Variants in F2RL1 observed in about 807,000 individuals in gnomAD.
The protein encoded by F2RL1 is proteinase-activated receptor 2.
In F2RL1, 16 loss-of-function variants were observed where a neutral mutation model predicts 21.7. That is an observed-to-expected ratio of 0.74 (90% CI 0.50 to 1.12). The LOEUF (loss-of-function observed/expected upper bound fraction) is 1.12, where lower values mean the gene tolerates loss of function less well. F2RL1 is among the 50% of genes most tolerant of loss of function. The pLI, the probability that F2RL1 is intolerant of heterozygous loss-of-function variation, is 0.00. For missense variants in F2RL1, 432 were observed against 477.8 expected (o/e 0.90, Z 0.89); for synonymous variants, 181 against 186.7 (o/e 0.97, Z 0.25).
rs1361210120 is a variant in F2RL1 at position 76,835,228 on chromosome 5, T to G, written c.*1427T>G. On this transcript the variant is annotated 3_prime_UTR_variant, in exon 2 of 2. Coordinates refer to ENST00000296677, the MANE Select transcript of F2RL1 (RefSeq NM_005242.6). ...AGAGATACTTGATGCCAAAATGACT[T>G]TATACAACGATTGTATTTGTGACTT... 3.3e-5 allele frequency: 5 copies of G among 152,350 alleles called. No homozygotes were observed. The highest frequency in any genetic ancestry group is 1.2e-4 in the African/African-American group (5 of 41,462). 9.4% of individuals were successfully genotyped at this position (152,350 alleles called of 1,614,324 possible).
At chr5:76,824,569 C>T (rs1472893514) in intron 1 of F2RL1, among the ~76,000 whole-genome samples, 1 of 151,948 alleles carries the variant, frequency 6.6e-6, no homozygotes, top group South Asian at 2.1e-4. Flanking sequence ...TCTCATGATC[C>T]GCCCGCCTTA....
chr5:76,826,341 T>A (rs1750238209), intron 1 of F2RL1, among the ~76,000 whole-genome samples: 1 of 152,220 alleles, frequency 6.6e-6, no homozygotes, highest in South Asian at 2.1e-4. Flanking sequence ...ACAGTTTAGC[T>A]GTCATTCACC....
chr5:76,824,321 C>T (rs1192744089), intron 1 of F2RL1, among the ~76,000 whole-genome samples: 4 of 151,638 alleles, frequency 2.6e-5, no homozygotes, highest in Admixed American at 2.0e-4. Flanking sequence ...GCCTGAACTA[C>T]TCCCCTCTTC....
intron 1 of F2RL1, among the ~76,000 whole-genome samples, chr5:76,823,146 C>T (rs1395806920): frequency 6.6e-6 from 1 of 151,218 alleles, no homozygotes; most frequent in Non-Finnish European, 1.5e-5. Context: ...AGGAGAATGG[C>T]GTGAACCCGG....
rs762911618 is a variant in F2RL1 at position 76,833,026 on chromosome 5, AC to A, written c.420del (p.Trp141GlyfsTer26). On this transcript the variant is annotated frameshift_variant, in exon 2 of 2. Transcript: ENST00000296677. LOFTEE classifies it high-confidence loss of function. ...ATTGCCTATCACATACATGGCAACA[AC>A]TGGATTTATGGGGAAGCTCTTTGTA... ...LKIAYHIHGN[N>X]WIYGEALCNV... 9.3e-6 allele frequency: 15 copies of A among 1,614,166 alleles called. No individual in the cohort carries two copies. The highest frequency in any genetic ancestry group is 1.2e-5 in the Non-Finnish European group (14 of 1,179,978).
At chr5:76,824,831 ATAT>A (rs1750209338) in intron 1 of F2RL1, among the ~76,000 whole-genome samples, 2 of 152,150 alleles carry the variant, frequency 1.3e-5, no homozygotes, top group East Asian at 1.9e-4. Context: ...CCCACCAAAA[ATAT>A]TATATCAATT....
chr5:76,833,287 A>G lies in F2RL1; in HGVS notation c.680A>G (p.His227Arg). 1.9e-6 allele frequency: 3 copies of G among 1,613,452 alleles called. No individual in the cohort carries two copies. Among genetic ancestry groups the G allele is most frequent in the African/African-American group, 2.7e-5 (2 of 74,806 alleles). The change falls in exon 2 of 2, where the codon CAT becomes CGT. Residue 227 changes from histidine to arginine, a missense_variant. His to Arg is a conservative substitution (Grantham distance 29, BLOSUM62 0). Coordinates refer to ENST00000296677, the MANE Select transcript of F2RL1 (RefSeq NM_005242.6). ...CCTGCCCTGAACATCACGACCTGTC[A>G]TGATGTTTTGCCTGAGCAGCTCTTG... ...FIPALNITTC[H>R]DVLPEQLLVG... is the part of the protein sequence containing the mutation.
chr5:76,819,359 C>T, intron 1 of F2RL1, 95 bp downstream of exon 1: 1 of 1,037,836 alleles, frequency 9.6e-7, no homozygotes, highest in African/African-American at 1.6e-5. Context: ...TGTGCGAAGG[C>T]TGTTCTGCTG....
rs1183897529 is a variant in F2RL1, at chr5:76,833,252, C to T, written c.645C>T (p.Thr215=). ...VTIPLYVVKQ[T]IFIPALNITT... ...TTCCTTTGTATGTCGTGAAGCAGAC[C>T]ATCTTCATTCCTGCCCTGAACATCA... Residue 215 remains threonine, a synonymous_variant, in exon 2 of 2, where the codon ACC becomes ACT. Transcript: ENST00000296677. The T allele has an allele frequency of 1.2e-6, 2 of 1,613,702 alleles. No individual in the cohort carries two copies. The highest frequency in any genetic ancestry group is 2.2e-5 in the South Asian group (2 of 91,030).
At chr5:76,819,817 T>A (rs1441852015) in intron 1 of F2RL1, among the ~76,000 whole-genome samples, 1 of 152,090 alleles carries the variant, frequency 6.6e-6, no homozygotes, top group Non-Finnish European at 1.5e-5. Flanking sequence ...CTCCAACTGC[T>A]GGAAGCCTTT....
chr5:76,828,515 G>T (rs1228964356), intron 1 of F2RL1, among the ~76,000 whole-genome samples: 1 of 148,532 alleles, frequency 6.7e-6, no homozygotes, highest in Admixed American at 6.7e-5. Flanking sequence ...ATAGAGACAG[G>T]GGCCTCACTC....
chr5:76,828,509 A>G (rs1216455265), intron 1 of F2RL1, among the ~76,000 whole-genome samples: 3 of 144,614 alleles, frequency 2.1e-5, no homozygotes, highest in Non-Finnish European at 3.0e-5. Context: ...TTTAATATAG[A>G]GACAGGGGCC....
At chr5:76,831,963 C>T (rs1003854056) in intron 1 of F2RL1, among the ~76,000 whole-genome samples, 2 of 150,798 alleles carry the variant, frequency 1.3e-5, no homozygotes, top group Non-Finnish European at 3.0e-5. Context: ...CACTTGAAGC[C>T]AGGAGTTCGA....
At chr5:76,828,852 A>G (rs1021540263) in intron 1 of F2RL1, among the ~76,000 whole-genome samples, 1 of 152,108 alleles carries the variant, frequency 6.6e-6, no homozygotes, top group African/African-American at 2.4e-5. Context: ...GCAGTGGCTC[A>G]TGCCTGTAAT....
chr5:76,830,536 A>G (rs1188999427), intron 1 of F2RL1, among the ~76,000 whole-genome samples: 1 of 152,154 alleles, frequency 6.6e-6, no homozygotes, highest in African/African-American at 2.4e-5. Context: ...TCAGCCTCCC[A>G]AAGTGCTGGG....
At chr5:76,821,315 AG>A (rs1226238122) in intron 1 of F2RL1, among the ~76,000 whole-genome samples, 1 of 152,174 alleles carries the variant, frequency 6.6e-6, no homozygotes, top group Non-Finnish European at 1.5e-5. Context: ...TCCTGGAGGC[AG>A]GGGGCCCTAC....
Position 76,833,366 on chromosome 5 carries a change from C to T in F2RL1, c.759C>T (p.Phe253=). The change falls in exon 2 of 2, where the codon TTC becomes TTT. Residue 253 remains phenylalanine, a synonymous_variant. Coordinates refer to ENST00000296677, the MANE Select transcript of F2RL1 (RefSeq NM_005242.6). Reference sequence around the variant, plus strand: ...CTCTGGCCATTGGGGTCTTTCTGTTCCCAGCCTTCCTCACAGCCTCTGCCT... The same window carrying T: ...CTCTGGCCATTGGGGTCTTTCTGTTTCCAGCCTTCCTCACAGCCTCTGCCT... The part of the protein sequence containing the change: ...FLSLAIGVFL[F]PAFLTASAYV... 6.2e-7 allele frequency: 1 copy of T among 1,613,974 alleles called. No homozygotes were observed. Among genetic ancestry groups the T allele is most frequent in the Non-Finnish European group, 8.5e-7 (1 of 1,180,014 alleles).
chr5:76,832,673 CTTCCT>C lies in F2RL1; in HGVS notation c.83-13_83-9del. The C allele has an allele frequency of 1.3e-6, 2 of 1,571,468 alleles. No individual in the cohort carries two copies. The highest frequency in any genetic ancestry group is 1.7e-6 in the Non-Finnish European group (2 of 1,158,318). On this transcript the variant is annotated splice_polypyrimidine_tract_variant and intron_variant, in intron 1 of 1. Transcript: ENST00000296677. ...CATTTATTTCTGTAATGACCCTTGT[CTTCCT>C]TTCTTGTACAGGAACCAGTAGATCC...
chr5:76,824,408 T>C (rs950026467), intron 1 of F2RL1, among the ~76,000 whole-genome samples: 2 of 151,588 alleles, frequency 1.3e-5, no homozygotes, highest in Admixed American at 6.6e-5. Context: ...CTCAGCTCAC[T>C]GCAACCTCCG....
Sources: gnomAD v4.1 joint callset for allele counts (sites outside exome capture counted in the v4.1 genomes callset) on GRCh38, gnomAD v4.1.1 for gene constraint, MANE v1.5 for transcripts, NCBI Gene and HGNC (gene_info 2026-07-23, HGNC 2026-07-21) for gene names.